Variants in GNAS observed in about 807,000 individuals in gnomAD.
The protein encoded by GNAS is GNAS complex locus, also known as protein ALEX.
Under a neutral mutation model 54.5 loss-of-function variants are expected in GNAS, and 8 were observed. The observed-to-expected ratio is 0.15, with a 90% CI of 0.09 to 0.26. The LOEUF (loss-of-function observed/expected upper bound fraction) is 0.26. GNAS is among the 10% of genes least tolerant of loss of function. The pLI, the probability that GNAS is intolerant of heterozygous loss-of-function variation, is 1.00. For synonymous variants in GNAS, 204 were observed against 191.4 expected, an observed-to-expected ratio of 1.07 and a Z score of -0.54; for missense variants, 170 against 529.8, an observed-to-expected ratio of 0.32 and a Z score of 6.67.
rs761196953 is a variant in GNAS, at chr20:58,910,408, C to G, written c.1038+7C>G. On this transcript the variant is annotated splice_region_variant and intron_variant, in intron 12 of 12. Transcript: ENST00000371085. The surrounding 1 kb of genome is among the most constrained non-coding windows in gnomAD (Gnocchi z 5.8). ...CATTCGAGATGAGTTTCTGGTGAGT[C>G]GAGCCTGTCTTTAGTTTCCTCTCTT... 6.2e-7 allele frequency: 1 copy of G among 1,602,422 alleles called. No homozygotes were observed. The highest frequency in any genetic ancestry group is 8.6e-7 in the Non-Finnish European group (1 of 1,169,420).
rs748671544 is a variant in GNAS at position 58,853,384 on chromosome 20, G to C, written c.43+12498G>C. On this transcript the variant is annotated intron_variant, in intron 1 of 12. Transcript: ENST00000306090. The surrounding 1 kb of genome is among the most constrained non-coding windows in gnomAD (Gnocchi z 4.4). ...GAGGCCCCAGGGGCAGCTGCCCCCG[G>C]TGCTGGGCCTAGCCCAGCCGAAGAG... The C allele has an allele frequency of 1.3e-6, 2 of 1,560,504 alleles. No individual in the cohort carries two copies. Among genetic ancestry groups the C allele is most frequent in the East Asian group, 2.4e-5 (1 of 41,256 alleles).
upstream of GNAS, chr20:58,839,939 A>T (rs2085655809): frequency 1.1e-5 from 7 of 666,118 alleles, no homozygotes; most frequent in Non-Finnish European, 1.8e-5. Context: ...GTGGTCAGGA[A>T]GGTAGGTGCT....
chr20:58,860,530 CTGCTCCATAGTCTTTGTAG>C (rs1440847531), intron 1 of GNAS, among the ~76,000 whole-genome samples: 1 of 152,072 alleles, frequency 6.6e-6, no homozygotes, highest in Non-Finnish European at 1.5e-5. Context: ...CAAAATAACT[CTGCTCCATAGTCTTTGTAG>C]TGATTTTTTT....
chr20:58,879,849 T>C (rs952413696), intron 1 of GNAS, among the ~76,000 whole-genome samples: 5 of 152,288 alleles, frequency 3.3e-5, no homozygotes, highest in South Asian at 4.1e-4. Flanking sequence ...TAGAGGAAGC[T>C]GAAGGCACCT....
At chr20:58,852,776 G>GGACCCCCAGAGGT in intron 1 of GNAS, 1 of 222,628 alleles carries the variant, frequency 4.5e-6, no homozygotes, top group Non-Finnish European at 9.0e-6. Flanking sequence ...CGAGGCCTGC[G>GGACCCCCAGAGGT]CTCACCAGCC....
At chr20:58,852,263 T>TG (rs1481417189) in intron 1 of GNAS, among the ~76,000 whole-genome samples, 2 of 151,842 alleles carry the variant, frequency 1.3e-5, no homozygotes, top group Non-Finnish European at 2.9e-5. Context: ...GTGATGGGGG[T>TG]GGGGGCTGTT....
intron 3 of GNAS, chr20:58,900,319 C>A (rs1170462116): frequency 6.8e-6 from 2 of 295,080 alleles, no homozygotes; most frequent in East Asian, 5.4e-5. Flanking sequence ...CCTACTAATA[C>A]CTTGGCCTGC....
rs555665875 is a variant in GNAS at position 58,866,287 on chromosome 20, A to T, written c.43+25401A>T. 4.1e-4 allele frequency among the ~76,000 whole-genome samples: 63 copies of T among 152,240 alleles called. 1 individual carries two copies. Among genetic ancestry groups the T allele is most frequent in the African/African-American group, 1.5e-3 (62 of 41,522 alleles). ...AAGACAGACAGTTAGATTGCAGGAG[A>T]GAGGGGCAGTGGAAGGAACGGCTCT... On this transcript the variant is annotated intron_variant, in intron 1 of 12. Coordinates refer to the GNAS transcript ENST00000306090.
intron 1 of GNAS, chr20:58,877,046 A>G (rs889915654): frequency 2.0e-5 from 3 of 152,306 alleles, no homozygotes; most frequent in African/African-American, 7.2e-5. Flanking sequence ...TTAGCAAATG[A>G]GAGAAGCGAA....
chr20:58,903,513 TTTTCA>T lies in GNAS; in HGVS notation c.258-17_258-13del. The stretch of plus-strand genomic sequence containing the variant: ...CATGGTGCAATATGATTTTCTTTTC[TTTTCA>T]ATCCCACTGCAGTGAGAAGGCAACC... On this transcript the variant is annotated splice_polypyrimidine_tract_variant and intron_variant, in intron 3 of 12. Transcript: ENST00000371085. 3.1e-6 allele frequency: 5 copies of T among 1,607,914 alleles called. No homozygotes were observed. The highest frequency in any genetic ancestry group is 4.3e-6 in the Non-Finnish European group (5 of 1,174,402).
In GNAS at chr20:58,841,303, G is replaced by A. The variant is rs2085713397; in HGVS notation, c.43+417G>A. On this transcript the variant is annotated intron_variant, in intron 1 of 12. Transcript: ENST00000306090. The surrounding 1 kb of genome is among the most constrained non-coding windows in gnomAD (Gnocchi z 5.0). ...GTTGGCCTTCTCAGGTGTCCAAAATGTGGTTCGGAGGTGCGCGCGCCAACT... is the reference window on the plus strand; with the variant it reads ...GTTGGCCTTCTCAGGTGTCCAAAATATGGTTCGGAGGTGCGCGCGCCAACT... 4 of 1,065,940 alleles carry A rather than the reference G, an allele frequency of 3.8e-6. No individual in the cohort carries two copies. The African/African-American group carries it at 6.7e-5, about 18-fold the overall frequency. 66.0% of individuals were successfully genotyped at this position (1,065,940 alleles called of 1,614,324 possible).
Position 58,863,899 on chromosome 20 carries a change from A to G in GNAS, c.43+23013A>G, listed in dbSNP as rs1444074162. ...TGAAGCTGTGGGATATTTGAGGGGG[A>G]AAAAATGAATAATGCTTATCATGAT... is the stretch of plus-strand genomic sequence containing the variant. On this transcript the variant is annotated intron_variant, in intron 1 of 12. Coordinates refer to the GNAS transcript ENST00000306090. This position sits in a 1 kb window ranked among gnomAD's most constrained non-coding sequence, Gnocchi z 4.1. 2.0e-5 allele frequency: 3 copies of G among 152,586 alleles called. No homozygotes were observed. The highest frequency in any genetic ancestry group is 4.4e-5 in the Non-Finnish European group (3 of 68,034). 9.5% of individuals were successfully genotyped at this position (152,586 alleles called of 1,614,324 possible).
intron 1 of GNAS, among the ~76,000 whole-genome samples, chr20:58,883,344 G>A (rs1160812833): frequency 1.3e-5 from 2 of 152,164 alleles, no homozygotes; most frequent in Non-Finnish European, 2.9e-5. Flanking sequence ...AATCTGAGAA[G>A]GTAGTAGAGA....
At chr20:58,903,252 A>G (rs2090792144) in intron 3 of GNAS, 1 of 539,570 alleles carries the variant, frequency 1.9e-6, no homozygotes, top group East Asian at 3.4e-5. Context: ...CTTCAAACCC[A>G]TGAAAGATTA....
Position 58,840,852 on chromosome 20 carries a change from C to T in GNAS, c.9C>T (p.Asp3=), listed in dbSNP as rs756061865. The T allele has an allele frequency of 6.2e-7, 1 of 1,612,780 alleles. No individual in the cohort carries two copies. The highest frequency in any genetic ancestry group is 1.1e-5 in the South Asian group (1 of 91,070). The stretch of plus-strand genomic sequence containing the variant: ...CCCATCCGGCGTCACTAATGGAGGA[C>T]GCCGTCCAGATTCTCCTTGTTTTCA... The change falls in exon 1 of 13, where the codon GAC becomes GAT. Residue 3 remains aspartate (D), a synonymous_variant. Coordinates refer to the GNAS transcript ENST00000306090. The surrounding 1 kb of genome is among the most constrained non-coding windows in gnomAD (Gnocchi z 6.0).
At chr20:58,892,101 TC>T in intron 1 of GNAS, 3 of 962,020 alleles carry the variant, frequency 3.1e-6, no homozygotes, top group Non-Finnish European at 3.7e-6. Context: ...CGGGTCCCCC[TC>T]CCCCGGCCTG....
chr20:58,896,137 A>G (rs1387157345), intron 2 of GNAS, among the ~76,000 whole-genome samples: 1 of 152,206 alleles, frequency 6.6e-6, no homozygotes, highest in Non-Finnish European at 1.5e-5. Flanking sequence ...GAACCAACAC[A>G]GGATGTTTTA....
chr20:58,868,204 G>C (rs2087183879), intron 1 of GNAS, among the ~76,000 whole-genome samples: 1 of 152,064 alleles, frequency 6.6e-6, no homozygotes, highest in Non-Finnish European at 1.5e-5. Context: ...ATTTTTAGTA[G>C]TGATGGGGTT....
In GNAS at chr20:58,902,151, CAGAG is replaced by C. The variant is rs374490829; in HGVS notation, c.258-1377_258-1374del. ...CCCCTCTTGGCCTCAGTTTCCCTGT[CAGAG>C]AGGCAGGACCGTAGCACCTTTTTTC... On this transcript the variant is annotated intron_variant, in intron 3 of 12. Transcript: ENST00000371085. Among the ~76,000 whole-genome samples, 100 of 152,060 alleles carry C rather than the reference CAGAG, an allele frequency of 6.6e-4. 1 individual carries two copies. The highest frequency in any genetic ancestry group is 3.4e-3 in the Middle Eastern group (1 of 294).
Sources: allele counts gnomAD v4.1 joint callset (sites outside exome capture counted in the v4.1 genomes callset), GRCh38; gene constraint gnomAD v4.1.1; non-coding constraint Gnocchi (gnomAD v3.1); transcripts MANE v1.5; gene names NCBI Gene and HGNC (gene_info 2026-07-23, HGNC 2026-07-21).